The following ARNT2 variants were observed in gnomAD, a reference collection of about 807,000 sequenced individuals.
ARNT2 encodes the protein aryl hydrocarbon receptor nuclear translocator 2.
In ARNT2, 36 loss-of-function variants were observed where a neutral mutation model predicts 91.7. That is an observed-to-expected ratio of 0.39 (90% CI 0.30 to 0.52). ARNT2 has a LOEUF of 0.52. Ranked by LOEUF, ARNT2 falls within the 20% of genes least tolerant of loss-of-function variation. The pLI is 0.72. For synonymous variants in ARNT2, 365 were observed against 347.1 expected (o/e 1.05, Z -0.57); for missense variants, 775 against 939.3 (o/e 0.83, Z 2.29).
At position 80,596,781 on chromosome 15, in the gene ARNT2, T is replaced by A. The variant is rs28660033; in HGVS notation, c.*3083T>A. On this transcript the variant is annotated 3_prime_UTR_variant, in exon 19 of 19. Transcript: ENST00000303329. Reference sequence around the variant, plus strand: ...GTCAGGCAAGCAGACAGCTCCCCACTGAAGAGGTCTGTACAGTGACAACCC... The same window carrying A: ...GTCAGGCAAGCAGACAGCTCCCCACAGAAGAGGTCTGTACAGTGACAACCC... 28,318 of 169,842 alleles carry A rather than the reference T, an allele frequency of 0.17. 3,819 individuals are homozygous for A. Among genetic ancestry groups the A allele is most frequent in the African/African-American group, 0.38 (15,980 of 41,912 alleles). 10.5% of individuals were successfully genotyped at this position (169,842 alleles called of 1,614,324 possible). A position where few individuals can be genotyped will look rare whatever the true frequency, so the allele number is the denominator to read the frequency against.
In ARNT2 at chr15:80,576,882, G is replaced by C; in HGVS notation, c.1530G>C (p.Met510Ile). The part of the protein sequence containing the change: ...AGISASEKKM[M>I]SSASAAGTQQ... ...TTTTCCTAGCGGAGAAGAAGATGAT[G>C]AGCTCAGCCTCTGCAGCAGGAACCC... is the stretch of plus-strand genomic sequence containing the variant. Residue 510 changes from methionine (M) to isoleucine (I), a missense_variant, in exon 15 of 19, where the codon ATG becomes ATC. Transcript: ENST00000303329. 1 of 1,614,108 alleles carries C rather than the reference G, an allele frequency of 6.2e-7. No homozygotes were observed. The highest frequency in any genetic ancestry group is 8.5e-7 in the Non-Finnish European group (1 of 1,180,028).
At chr15:80,582,971 T>C (rs1440133721) in intron 17 of ARNT2, among the ~76,000 whole-genome samples, 1 of 152,168 alleles carries the variant, frequency 6.6e-6, no homozygotes, top group Non-Finnish European at 1.5e-5. Flanking sequence ...ACTCAAGGCC[T>C]CCTGGGTACC....
In ARNT2 at chr15:80,410,466, C is replaced by T. The variant is rs943095598; in HGVS notation, c.31+5920C>T. ...GGACAGCTGAGTTGAGCTGCTTGTG[C>T]GACAAGCAAGTGGAACTGTCATGGA... On this transcript the variant is annotated intron_variant, in intron 1 of 18. Transcript: ENST00000303329. Among the ~76,000 whole-genome samples the T allele has an allele frequency of 3.3e-5, 5 of 152,112 alleles. 1 individual carries two copies. Among genetic ancestry groups the T allele is most frequent in the African/African-American group, 9.7e-5 (4 of 41,402 alleles).
intron 12 of ARNT2, among the ~76,000 whole-genome samples, chr15:80,571,032 CATATTTT>C (rs1898574753): frequency 6.6e-6 from 1 of 152,210 alleles, no homozygotes; most frequent in Non-Finnish European, 1.5e-5. Context: ...TCAGATCATA[CATATTTT>C]ATAATGCCGA....
At chr15:80,550,335 C>G (rs1038656724) in intron 8 of ARNT2, among the ~76,000 whole-genome samples, 25 of 152,182 alleles carry the variant, frequency 1.6e-4, no homozygotes, top group African/African-American at 5.8e-4. Context: ...TTATCAATGT[C>G]TGGAGTGAGG....
intron 8 of ARNT2, among the ~76,000 whole-genome samples, chr15:80,523,842 G>A (rs373216282): frequency 2.6e-5 from 4 of 152,134 alleles, no homozygotes; most frequent in African/African-American, 9.7e-5. Context: ...GAGTGTACAG[G>A]GTAACAGAGC....
At chr15:80,501,608 G>A (rs549383107) in intron 5 of ARNT2, among the ~76,000 whole-genome samples, 12 of 152,302 alleles carry the variant, frequency 7.9e-5, no homozygotes, top group Admixed American at 2.0e-4. Flanking sequence ...TCTGAATGCC[G>A]TCTCTCCCTC....
Position 80,581,283 on chromosome 15 carries a change from G to T in ARNT2, c.1797G>T (p.Gly599=), listed in dbSNP as rs1898793672. 6.2e-7 allele frequency: 1 copy of T among 1,614,178 alleles called. No homozygotes were observed. Among genetic ancestry groups the T allele is most frequent in the Non-Finnish European group, 8.5e-7 (1 of 1,180,054 alleles). ...GCAAGACTCAGTCATCTCCCTTTGG[G>T]ATTGGAACGAGCCACACCTACCCGG... ...QSSKTQSSPF[G]IGTSHTYPAD... The change falls in exon 17 of 19, where the codon GGG becomes GGT. Residue 599 remains glycine, a synonymous_variant. Transcript: ENST00000303329.
chr15:80,439,250 A>G (rs895689072), intron 1 of ARNT2, among the ~76,000 whole-genome samples: 5 of 152,178 alleles, frequency 3.3e-5, no homozygotes, highest in African/African-American at 1.2e-4. Context: ...TTCATGTGGC[A>G]TGGCTTATTT....
chr15:80,526,477 A>C (rs1179649817), intron 8 of ARNT2, among the ~76,000 whole-genome samples: 1 of 152,234 alleles, frequency 6.6e-6, no homozygotes, highest in East Asian at 1.9e-4. Context: ...CTTCCTTTCT[A>C]GTAACCATCG....
chr15:80,508,153 T>C lies in ARNT2; in HGVS notation c.623-3T>C, dbSNP rs200053160. ...TACGTAACTGTCCTTCTCTCTCTCT[T>C]AGGCCGGATCTTGGACCTGAAGACT... is the stretch of plus-strand genomic sequence containing the variant. On this transcript the variant is annotated splice_region_variant and splice_polypyrimidine_tract_variant and intron_variant, in intron 5 of 18. Transcript: ENST00000303329. The C allele has an allele frequency of 1.9e-6, 3 of 1,613,838 alleles. No individual in the cohort carries two copies. The highest frequency in any genetic ancestry group is 1.7e-5 in the Admixed American group (1 of 60,014).
intron 1 of ARNT2, among the ~76,000 whole-genome samples, chr15:80,425,621 G>C (rs1488703259): frequency 1.3e-5 from 2 of 151,912 alleles, no homozygotes; most frequent in Non-Finnish European, 2.9e-5. Flanking sequence ...GAATGTGCAG[G>C]TTTGTTACAT....
chr15:80,519,223 G>A (rs1306776080), intron 8 of ARNT2, among the ~76,000 whole-genome samples: 1 of 152,186 alleles, frequency 6.6e-6, no homozygotes, highest in Non-Finnish European at 1.5e-5. Context: ...CAAAGTTGAG[G>A]AAATGTGCCT....
chr15:80,579,011 C>T (rs1296298405), intron 15 of ARNT2, among the ~76,000 whole-genome samples: 2 of 152,166 alleles, frequency 1.3e-5, no homozygotes, highest in South Asian at 2.1e-4. Flanking sequence ...TCTCTGGTCC[C>T]GCCAGTTTTG....
At chr15:80,533,611 T>C (rs1897776594) in intron 8 of ARNT2, among the ~76,000 whole-genome samples, 1 of 152,214 alleles carries the variant, frequency 6.6e-6, no homozygotes, top group Admixed American at 6.5e-5. Flanking sequence ...AGCCAGCCAA[T>C]GAAGCATGTC....
chr15:80,520,565 A>G (rs935822825), intron 8 of ARNT2, among the ~76,000 whole-genome samples: 4 of 151,980 alleles, frequency 2.6e-5, no homozygotes, highest in African/African-American at 4.8e-5. Flanking sequence ...CCACAAAAAA[A>G]AATAAATAAA....
intron 5 of ARNT2, among the ~76,000 whole-genome samples, chr15:80,506,126 C>T (rs968051751): frequency 4.6e-5 from 7 of 151,574 alleles, no homozygotes; most frequent in Non-Finnish European, 8.8e-5. Flanking sequence ...TTAGTAGAGA[C>T]GGGGTTTCAC....
intron 14 of ARNT2, 72 bp downstream of exon 14, chr15:80,575,182 C>T (rs878980180): frequency 1.3e-6 from 2 of 1,578,342 alleles, no homozygotes; most frequent in Non-Finnish European, 8.7e-7. Context: ...CTACAGACAG[C>T]TACTCTTAGT....
intron 1 of ARNT2, among the ~76,000 whole-genome samples, chr15:80,430,949 G>A (rs1440170904): frequency 6.6e-6 from 1 of 152,020 alleles, no homozygotes; most frequent in African/African-American, 2.4e-5. Context: ...CATGTACGTG[G>A]TGATGAACCA....
Sources: gnomAD v4.1 joint callset for allele counts (sites outside exome capture counted in the v4.1 genomes callset) on GRCh38, gnomAD v4.1.1 for gene constraint, MANE v1.5 for transcripts, NCBI Gene and HGNC (gene_info 2026-07-23, HGNC 2026-07-21) for gene names.